CTNNA3: variants seen among roughly 807,000 people sequenced by gnomAD.
CTNNA3 encodes catenin alpha 3.
Under a neutral mutation model 95.7 loss-of-function variants are expected in CTNNA3, and 76 were observed. That is an observed-to-expected ratio of 0.79 (90% confidence interval 0.66 to 0.96). The LOEUF (loss-of-function observed/expected upper bound fraction) is 0.96. Among genes scored for constraint, CTNNA3 ranks in the 40% least tolerant of loss-of-function variants. The pLI, the probability that CTNNA3 is intolerant of heterozygous loss-of-function variation, is 0.00. For missense variants in CTNNA3, 1,191 were observed against 1,089.8 expected, an observed-to-expected ratio of 1.09 and a Z score of -1.31; for synonymous variants, 431 against 374.4, an observed-to-expected ratio of 1.15 and a Z score of -1.74.
chr10:66,824,046 C>CT (rs57827121), intron 7 of CTNNA3, among the ~76,000 whole-genome samples: 118,479 of 147,438 alleles, frequency 0.8, 47,635 homozygotes, highest in Admixed American at 0.85. Flanking sequence ...ATGCCATACT[C>CT]TTTTTTTTTT....
chr10:66,337,340 A>C (rs537684881), intron 12 of CTNNA3, among the ~76,000 whole-genome samples: 1 of 152,240 alleles, frequency 6.6e-6, no homozygotes, highest in South Asian at 2.1e-4. Context: ...TCTCAAACGG[A>C]TAAGTACAGA....
At chr10:66,655,853 G>T (rs1315316981) in intron 9 of CTNNA3, among the ~76,000 whole-genome samples, 1 of 152,024 alleles carries the variant, frequency 6.6e-6, no homozygotes, top group East Asian at 1.9e-4. Flanking sequence ...TAGGTAAATG[G>T]CAGAAAGTAT....
chr10:67,207,236 A>G (rs983349978), intron 6 of CTNNA3, among the ~76,000 whole-genome samples: 2 of 152,212 alleles, frequency 1.3e-5, no homozygotes, highest in Non-Finnish European at 2.9e-5. Context: ...TTATATTAAC[A>G]TGAAATAATA....
intron 9 of CTNNA3, among the ~76,000 whole-genome samples, chr10:66,763,017 T>C (rs1839662230): frequency 2.6e-5 from 4 of 152,170 alleles, no homozygotes; most frequent in Middle Eastern, 3.4e-3. Flanking sequence ...CTATGTCAAA[T>C]TGCCCAACTT....
chr10:65,997,946 C>T (rs981516416), intron 15 of CTNNA3, among the ~76,000 whole-genome samples: 1 of 152,078 alleles, frequency 6.6e-6, no homozygotes, highest in South Asian at 2.1e-4. Flanking sequence ...ACTCAGGAGG[C>T]AGAGGTTGCG....
At chr10:66,305,435 A>G (rs1184026962) in intron 12 of CTNNA3, among the ~76,000 whole-genome samples, 1 of 151,606 alleles carries the variant, frequency 6.6e-6, no homozygotes, top group Non-Finnish European at 1.5e-5. Flanking sequence ...TATTTTCTCA[A>G]GTGGACTCTG....
At chr10:66,360,581 C>A (rs2092646285) in intron 12 of CTNNA3, among the ~76,000 whole-genome samples, 1 of 145,918 alleles carries the variant, frequency 6.9e-6, no homozygotes, top group Non-Finnish European at 1.5e-5. Context: ...AGGCTTACCT[C>A]TAATGTATTC....
At chr10:66,151,634 T>C (rs1281780169) in intron 13 of CTNNA3, among the ~76,000 whole-genome samples, 1 of 151,926 alleles carries the variant, frequency 6.6e-6, no homozygotes, top group Non-Finnish European at 1.5e-5. Flanking sequence ...TGTAAATATC[T>C]GATAAAAAGA....
At chr10:66,730,165 G>A (rs1848914295) in intron 9 of CTNNA3, among the ~76,000 whole-genome samples, 1 of 151,094 alleles carries the variant, frequency 6.6e-6, no homozygotes, top group African/African-American at 2.4e-5. Context: ...ATTCATTGCA[G>A]CATGAGTCAC....
chr10:67,556,694 T>G (rs1218165875), intron 3 of CTNNA3, among the ~76,000 whole-genome samples: 1 of 152,210 alleles, frequency 6.6e-6, no homozygotes, highest in East Asian at 1.9e-4. Context: ...GTTGATCTTT[T>G]CAAAAAACCA....
At chr10:66,018,677 G>A (rs995958030) in intron 15 of CTNNA3, among the ~76,000 whole-genome samples, 2 of 151,970 alleles carry the variant, frequency 1.3e-5, no homozygotes, top group African/African-American at 4.8e-5. Context: ...TTCTCAAACC[G>A]TTCACTCTAT....
At chr10:66,136,653 T>C (rs917441706) in intron 13 of CTNNA3, among the ~76,000 whole-genome samples, 6 of 152,160 alleles carry the variant, frequency 3.9e-5, no homozygotes, top group African/African-American at 1.4e-4. Context: ...ATGTAATTAC[T>C]GCACAATGGC....
At chr10:66,465,407 T>C (rs759995857) in intron 11 of CTNNA3, among the ~76,000 whole-genome samples, 15 of 152,154 alleles carry the variant, frequency 9.9e-5, no homozygotes, top group Admixed American at 2.0e-4. Flanking sequence ...TAGGTCTATC[T>C]TTCAGAAATT....
At chr10:66,878,304 C>A (rs557871405) in intron 7 of CTNNA3, among the ~76,000 whole-genome samples, 3 of 152,140 alleles carry the variant, frequency 2.0e-5, no homozygotes, top group African/African-American at 7.2e-5. Context: ...CAGCCTCAAC[C>A]CCCACTATTT....
intron 1 of CTNNA3, among the ~76,000 whole-genome samples, chr10:67,695,208 C>T (rs910080223): frequency 2.0e-5 from 3 of 152,324 alleles, no homozygotes; most frequent in South Asian, 2.1e-4. Context: ...TGCATTCTCA[C>T]GTTATCTCCA....
At chr10:66,656,306 C>T (rs147307479) in intron 9 of CTNNA3, among the ~76,000 whole-genome samples, 107 of 152,148 alleles carry the variant, frequency 7.0e-4, no homozygotes, top group African/African-American at 2.4e-3. Context: ...TAAGTAGTTG[C>T]TATATGGAAA....
chr10:66,796,091 A>G (rs1331715505), intron 7 of CTNNA3, among the ~76,000 whole-genome samples: 3 of 152,154 alleles, frequency 2.0e-5, no homozygotes, highest in African/African-American at 7.2e-5. Flanking sequence ...CTGGAGCAGA[A>G]CTGGAAGAGT....
At chr10:66,639,629 T>C (rs1845449083) in intron 9 of CTNNA3, among the ~76,000 whole-genome samples, 1 of 152,062 alleles carries the variant, frequency 6.6e-6, no homozygotes, top group African/African-American at 2.4e-5. Flanking sequence ...CTTTAAATCC[T>C]TCTAACTCTC....
rs371455309 is a variant in CTNNA3 at position 66,537,003 on chromosome 10, G to A, written c.1375-16230C>T. On this transcript the variant is annotated intron_variant, in intron 10 of 17. Transcript: ENST00000433211. ...AACTGTGAAATAGCATAAAAAGTCCGAGGTTAAATTAGAAGCAAAGCATTT... is the reference window on the plus strand; with the variant it reads ...AACTGTGAAATAGCATAAAAAGTCCAAGGTTAAATTAGAAGCAAAGCATTT... Among the ~76,000 whole-genome samples, 37 of 151,746 alleles carry A rather than the reference G, an allele frequency of 2.4e-4. No individual in the cohort carries two copies. In the East Asian group the frequency reaches 2.9e-3, roughly 12 times the overall value.
Sources: gnomAD v4.1 joint callset for allele counts (sites outside exome capture counted in the v4.1 genomes callset) on GRCh38, gnomAD v4.1.1 for gene constraint, MANE v1.5 for transcripts, NCBI Gene and HGNC (gene_info 2026-07-23, HGNC 2026-07-21) for gene names.